PPP4R3B: variants seen among roughly 807,000 people sequenced by gnomAD.
PPP4R3B encodes the protein serine/threonine-protein phosphatase 4 regulatory subunit 3B.
Under a neutral mutation model 95.4 loss-of-function variants are expected in PPP4R3B, and 52 were observed. The ratio of observed to expected loss-of-function variants is 0.54; its 90% CI spans 0.44 to 0.69. PPP4R3B has a LOEUF of 0.69. Ranked by LOEUF, PPP4R3B falls within the 30% of genes least tolerant of loss-of-function variation. PPP4R3B has a pLI of 0.00. For missense variants in PPP4R3B, 1,003 were observed against 1,005.9 expected, an observed-to-expected ratio of 1.00 and a Z score of 0.04; for synonymous variants, 407 against 343.9, an observed-to-expected ratio of 1.18 and a Z score of -2.03.
chr2:55,609,925 G>T (rs1693940842), intron 2 of PPP4R3B, among the ~76,000 whole-genome samples: 1 of 152,128 alleles, frequency 6.6e-6, no homozygotes. Flanking sequence ...GACAGAATCT[G>T]GCGTGGGAAA....
At chr2:55,577,081 T>G (rs530433835) in intron 11 of PPP4R3B, among the ~76,000 whole-genome samples, 1 of 152,342 alleles carries the variant, frequency 6.6e-6, no homozygotes, top group South Asian at 2.1e-4. Context: ...AGACAATGCC[T>G]TCTCATAACA....
At chr2:55,597,002 T>C (rs1187116291) in intron 4 of PPP4R3B, among the ~76,000 whole-genome samples, 2 of 152,092 alleles carry the variant, frequency 1.3e-5, no homozygotes, top group African/African-American at 2.4e-5. Context: ...ATCATCGATA[T>C]ATATAATAGG....
In PPP4R3B at chr2:55,589,298, T is replaced by C. The variant is rs1690623108; in HGVS notation, c.922-342A>G. The stretch of plus-strand genomic sequence containing the variant: ...TACTTACTCTTAATTTAAACATAAT[T>C]CAAACAAGCCTAAGGATCTTATTGT... On this transcript the variant is annotated intron_variant, in intron 4 of 16. Coordinates refer to ENST00000616407, the MANE Select transcript of PPP4R3B (RefSeq NM_001122964.3). Among the ~76,000 whole-genome samples the C allele has an allele frequency of 2.0e-5, 3 of 151,990 alleles. No individual in the cohort carries two copies. In the South Asian group the frequency reaches 6.2e-4, roughly 31 times the overall value.
chr2:55,615,582 C>G (rs1694775659), intron 1 of PPP4R3B, 76 bp from the exon 2 acceptor site: 1 of 1,079,826 alleles, frequency 9.3e-7, no homozygotes. Flanking sequence ...CACATTAAAG[C>G]CGGGCGCAGT....
Position 55,586,620 on chromosome 2 carries a change from T to A in PPP4R3B, c.1114A>T (p.Met372Leu), listed in dbSNP as rs752226272. 6 of 1,575,984 alleles carry A rather than the reference T, an allele frequency of 3.8e-6. No homozygotes were observed. In the Admixed American group the frequency reaches 6.9e-5, roughly 18 times the overall value. ...LGILPALEIVMGMDDLQVRSA... is the reference protein window; with the variant it reads ...LGILPALEIVLGMDDLQVRSA... Reference sequence around the variant, plus strand: ...ATGAAAAGAAACGGCATAATTACCATTACAATTTCAAGAGCAGGAAGAATT... The same window carrying A: ...ATGAAAAGAAACGGCATAATTACCAATACAATTTCAAGAGCAGGAAGAATT... Residue 372 changes from methionine (M) to leucine (L), a missense_variant and splice_region_variant, in exon 6 of 17, where the codon ATG becomes TTG. By Grantham distance (15) the Met-to-Leu change is conservative. This residue lies in a region of PPP4R3B where 695 missense variants were observed against 686.2 expected (regional missense o/e 1.01). Coordinates refer to ENST00000616407, the MANE Select transcript of PPP4R3B (RefSeq NM_001122964.3).
At chr2:55,596,284 T>TG (rs1194900107) in intron 4 of PPP4R3B, among the ~76,000 whole-genome samples, 1 of 152,230 alleles carries the variant, frequency 6.6e-6, no homozygotes, top group Non-Finnish European at 1.5e-5. Flanking sequence ...AAACTGTTCT[T>TG]GGAGTTATTT....
chr2:55,552,442 A>G (rs1158291342), intron 16 of PPP4R3B, among the ~76,000 whole-genome samples: 3 of 152,210 alleles, frequency 2.0e-5, no homozygotes. Context: ...CGCCTGAGCT[A>G]GAGTACAGTT....
chr2:55,607,167 A>G lies in PPP4R3B; in HGVS notation c.199-3091T>C, dbSNP rs148011903. Among the ~76,000 whole-genome samples, 115 of 152,370 alleles carry G rather than the reference A, an allele frequency of 7.5e-4. 1 individual carries two copies. The highest frequency in any genetic ancestry group is 2.7e-3 in the African/African-American group (111 of 41,592). On this transcript the variant is annotated intron_variant, in intron 2 of 16. Coordinates refer to ENST00000616407, the MANE Select transcript of PPP4R3B (RefSeq NM_001122964.3). ...TTCTCATACTACACTATCACAACACAAATCACTGCTGTCACCTTCATCACC... is the reference window on the plus strand; with the variant it reads ...TTCTCATACTACACTATCACAACACGAATCACTGCTGTCACCTTCATCACC...
intron 2 of PPP4R3B, among the ~76,000 whole-genome samples, chr2:55,608,514 A>G (rs72923710): frequency 0.029 from 4,449 of 152,198 alleles, 227 homozygotes; most frequent in African/African-American, 0.1. Context: ...AAATCCATCC[A>G]TCTCTGTCCA....
At chr2:55,562,710 TAGAA>T (rs1686786643) in intron 15 of PPP4R3B, among the ~76,000 whole-genome samples, 2 of 152,192 alleles carry the variant, frequency 1.3e-5, no homozygotes, top group African/African-American at 4.8e-5. Context: ...ATCTCAGTAT[TAGAA>T]AGGACCTTAC....
intron 3 of PPP4R3B, among the ~76,000 whole-genome samples, chr2:55,600,948 G>A (rs1019606987): frequency 6.6e-6 from 1 of 151,992 alleles, no homozygotes; most frequent in African/African-American, 2.4e-5. Context: ...CACGAGCTCA[G>A]GAGTTCAAGA....
At position 55,577,315 on chromosome 2, in the gene PPP4R3B, C is replaced by G. The variant is rs143373895; in HGVS notation, c.1606G>C (p.Asp536His). Residue 536 changes from aspartate to histidine, a missense_variant and splice_region_variant, in exon 11 of 17, where the codon GAT becomes CAT. This residue lies in a region of PPP4R3B where 695 missense variants were observed against 686.2 expected (regional missense o/e 1.01). Coordinates refer to ENST00000616407, the MANE Select transcript of PPP4R3B (RefSeq NM_001122964.3). ...GSNKNNTICP[D>H]NYQTAQLLAL... is the part of the protein sequence containing the mutation. ...TCATAAAGTATGAATTCATACTTAC[C>G]GGGACAAATTGTGTTGTTTTTGTTT... is the stretch of plus-strand genomic sequence containing the variant. The G allele has an allele frequency of 1.9e-6, 3 of 1,546,148 alleles. No individual in the cohort carries two copies. Among genetic ancestry groups the G allele is most frequent in the African/African-American group, 2.8e-5 (2 of 71,124 alleles).
intron 13 of PPP4R3B, among the ~76,000 whole-genome samples, chr2:55,567,529 C>T (rs1687466989): frequency 6.6e-6 from 1 of 152,030 alleles, no homozygotes. Context: ...GGTTCTTGTG[C>T]CTCAGCTTCC....
chr2:55,578,408 T>C (rs1040227287), intron 9 of PPP4R3B, 66 bp from the exon 10 acceptor site: 3 of 1,204,576 alleles, frequency 2.5e-6, no homozygotes, highest in East Asian at 3.2e-5. Context: ...GTCTGTTATA[T>C]TATTATCTAT....
At chr2:55,577,505 T>C in intron 10 of PPP4R3B, 149 bp from the exon 11 acceptor site, 2 of 825,316 alleles carry the variant, frequency 2.4e-6, no homozygotes, top group Non-Finnish European at 3.2e-6. Context: ...TTCAGCAAAA[T>C]TATAACTATA....
At chr2:55,615,353 G>GT (rs1360454520) in intron 2 of PPP4R3B, 98 bp downstream of exon 2, 3 of 926,496 alleles carry the variant, frequency 3.2e-6, no homozygotes, top group East Asian at 2.6e-5. Flanking sequence ...TACCAAACAT[G>GT]TTTTTTTCTT....
chr2:55,617,103 C>G, intron 1 of PPP4R3B, 41 bp downstream of exon 1: 7 of 1,558,266 alleles, frequency 4.5e-6, no homozygotes, highest in Non-Finnish European at 4.3e-6. Context: ...GTGCCCCAAC[C>G]AGAGGCACTA....
intron 1 of PPP4R3B, among the ~76,000 whole-genome samples, chr2:55,615,857 CAAAAAAAAAA>C (rs58981030): frequency 2.8e-4 from 11 of 39,056 alleles, no homozygotes; most frequent in African/African-American, 1.8e-3. Flanking sequence ...ACTCTGTCTC[CAAAAAAAAAA>C]AAAAAAAAAA....
intron 14 of PPP4R3B, 138 bp from the exon 15 acceptor site, chr2:55,564,635 A>G: frequency 1.2e-6 from 1 of 802,402 alleles, no homozygotes; most frequent in Non-Finnish European, 1.9e-6. Flanking sequence ...AATCTCTGTA[A>G]TGATAGAAGA....
Sources: allele counts gnomAD v4.1 joint callset (sites outside exome capture counted in the v4.1 genomes callset), GRCh38; gene constraint gnomAD v4.1.1; regional missense constraint gnomAD v4.1.1; transcripts MANE v1.5; gene names NCBI Gene and HGNC (gene_info 2026-07-23, HGNC 2026-07-21).